TMPRSS12: variants seen among roughly 807,000 people sequenced by gnomAD.
The protein encoded by TMPRSS12 is transmembrane serine protease 12.
TMPRSS12 carries 25 observed loss-of-function variants against 26.0 expected under a neutral mutation model. That is an observed-to-expected ratio of 0.96 (90% confidence interval 0.70 to 1.34). TMPRSS12 has a LOEUF of 1.34. Ranked by LOEUF, TMPRSS12 falls within the 40% of genes most tolerant of loss-of-function variation. The pLI is 0.00. For synonymous variants in TMPRSS12, 150 were observed against 161.7 expected (o/e 0.93, Z 0.55); for missense variants, 441 against 440.1 (o/e 1.00, Z -0.02).
intron 3 of TMPRSS12, among the ~76,000 whole-genome samples, chr12:50,877,766 C>T (rs562633588): frequency 6.6e-6 from 1 of 152,112 alleles, no homozygotes; most frequent in African/African-American, 2.4e-5. Context: ...TGCGCCGCCA[C>T]GCGTGGCTAA....
At position 50,843,923 on chromosome 12, in the gene TMPRSS12, C is replaced by T. The variant is rs1220857484; in HGVS notation, c.269C>T (p.Pro90Leu). 3.1e-6 allele frequency: 5 copies of T among 1,587,804 alleles called. No homozygotes were observed. Among genetic ancestry groups the T allele is most frequent in the Non-Finnish European group, 2.6e-6 (3 of 1,166,824 alleles). The change falls in exon 2 of 5, where the codon CCG becomes CTG. Residue 90 changes from proline (P) to leucine (L), a missense_variant. Physicochemically the swap from Pro to Leu is moderately conservative, Grantham distance 98. Transcript: ENST00000398458. ...GGTEAQAGAW[P>L]WVVSLQIKYG... ...ACCGAAGCACAAGCTGGCGCATGGC[C>T]GTGGGTGGTGAGCCTGCAGATTAAA...
intron 3 of TMPRSS12, among the ~76,000 whole-genome samples, chr12:50,877,700 A>G (rs570031085): frequency 5.9e-5 from 9 of 152,198 alleles, no homozygotes; most frequent in Non-Finnish European, 1.3e-4. Context: ...TCCCAGGTTC[A>G]AGCGATTCTC....
At chr12:50,861,649 C>A (rs1362729875) in intron 3 of TMPRSS12, among the ~76,000 whole-genome samples, 1 of 152,010 alleles carries the variant, frequency 6.6e-6, no homozygotes, top group Non-Finnish European at 1.5e-5. Context: ...TTTAATACCC[C>A]CAGCAACACT....
intron 2 of TMPRSS12, among the ~76,000 whole-genome samples, chr12:50,857,799 T>TGTC (rs1937893684): frequency 1.3e-5 from 2 of 149,952 alleles, no homozygotes; most frequent in African/African-American, 5.0e-5. Flanking sequence ...TTGTTGTTGT[T>TGTC]GTTGTTGTCG....
At chr12:50,885,163 G>A in intron 3 of TMPRSS12, 83 bp from the exon 4 acceptor site, 1 of 1,304,668 alleles carries the variant, frequency 7.7e-7, no homozygotes, top group East Asian at 2.4e-5. Flanking sequence ...AGTCACTTTG[G>A]AAAGAAAACA....
At chr12:50,866,734 C>T (rs189758953) in intron 3 of TMPRSS12, among the ~76,000 whole-genome samples, 4 of 152,234 alleles carry the variant, frequency 2.6e-5, no homozygotes, top group Non-Finnish European at 1.5e-5. Flanking sequence ...CCATTTCAAC[C>T]CCCTGCCATC....
intron 3 of TMPRSS12, among the ~76,000 whole-genome samples, chr12:50,866,838 G>C: frequency 6.6e-6 from 1 of 152,142 alleles, no homozygotes; most frequent in East Asian, 1.9e-4. Context: ...TACCAGCCCA[G>C]AGCCTGGTAG....
intron 2 of TMPRSS12, among the ~76,000 whole-genome samples, chr12:50,856,110 A>G (rs73294430): frequency 0.029 from 4,489 of 152,288 alleles, 220 homozygotes; most frequent in African/African-American, 0.1. Flanking sequence ...TGCTCATTAC[A>G]TGGGTGGTGA....
rs1402580662 is a variant in TMPRSS12, at chr12:50,842,951, C to T, written c.-14C>T. The T allele has an allele frequency of 1.3e-6, 2 of 1,569,366 alleles. No individual in the cohort carries two copies. The highest frequency in any genetic ancestry group is 1.2e-5 in the South Asian group (1 of 85,682). The stretch of plus-strand genomic sequence containing the variant: ...GGGAAGTACCTGCCGCCATCTTGCT[C>T]ACCAGCCTCCAAAATGCGGCTGGGG... On this transcript the variant is annotated 5_prime_UTR_variant, in exon 1 of 5. Coordinates refer to ENST00000398458, the MANE Select transcript of TMPRSS12 (RefSeq NM_182559.3).
intron 2 of TMPRSS12, among the ~76,000 whole-genome samples, chr12:50,856,045 C>T (rs1937873406): frequency 6.6e-6 from 1 of 152,148 alleles, no homozygotes; most frequent in African/African-American, 2.4e-5. Flanking sequence ...ATAACAGACA[C>T]TGGGGCCTAC....
intron 3 of TMPRSS12, among the ~76,000 whole-genome samples, chr12:50,861,823 T>G (rs1937938767): frequency 6.6e-6 from 1 of 151,958 alleles, no homozygotes; most frequent in South Asian, 2.1e-4. Context: ...TCTTTTTTTT[T>G]TTTTTGAGAG....
intron 2 of TMPRSS12, among the ~76,000 whole-genome samples, chr12:50,858,133 C>A (rs1937899673): frequency 6.6e-6 from 1 of 152,190 alleles, no homozygotes; most frequent in South Asian, 2.1e-4. Flanking sequence ...TGAGCCACTG[C>A]ACCCAGCCCT....
chr12:50,869,714 C>T (rs889415569), intron 3 of TMPRSS12, among the ~76,000 whole-genome samples: 1 of 152,140 alleles, frequency 6.6e-6, no homozygotes, highest in South Asian at 2.1e-4. Context: ...AACTACAGAC[C>T]ACTATTCCTG....
chr12:50,849,845 A>G (rs1237528864), intron 2 of TMPRSS12, among the ~76,000 whole-genome samples: 2 of 152,308 alleles, frequency 1.3e-5, no homozygotes, highest in East Asian at 1.9e-4. Context: ...GTGATTACCA[A>G]TAGAAGGCAC....
intron 3 of TMPRSS12, among the ~76,000 whole-genome samples, chr12:50,875,471 C>T (rs566800865): frequency 4.8e-5 from 5 of 103,670 alleles, no homozygotes; most frequent in African/African-American, 1.5e-4. Flanking sequence ...GCCTGGGCGA[C>T]AGAGCAAGAC....
At chr12:50,884,279 T>C (rs1938202223) in intron 3 of TMPRSS12, among the ~76,000 whole-genome samples, 1 of 152,152 alleles carries the variant, frequency 6.6e-6, no homozygotes, top group African/African-American at 2.4e-5. Flanking sequence ...GTGTTAATAC[T>C]AGAAGAAGGT....
intron 3 of TMPRSS12, among the ~76,000 whole-genome samples, chr12:50,872,666 T>TACATATATATGACGTATATGC (rs1938063417): frequency 4.6e-5 from 3 of 64,682 alleles, no homozygotes; most frequent in African/African-American, 1.1e-4. Context: ...GACGTATATG[T>TACATATATATGACGTATATGC]ACATATATAT....
rs769828278 is a variant in TMPRSS12, at chr12:50,843,132, G to A, written c.168G>A (p.Glu56=). The stretch of plus-strand genomic sequence containing the variant: ...GCAAGAGGCTCCGGCGGCGGAGGGA[G>A]GGAGGGGCGCATGCAGAGGGCAGTA... The part of the protein sequence containing the change: ...AVRKRLRRRR[E]GGAHAEDCGT... Residue 56 remains glutamate, a synonymous_variant, in exon 1 of 5, where the codon GAG becomes GAA. Coordinates refer to ENST00000398458, the MANE Select transcript of TMPRSS12 (RefSeq NM_182559.3). The A allele has an allele frequency of 2.5e-6, 4 of 1,569,878 alleles. 1 individual carries two copies. The highest frequency in any genetic ancestry group is 1.2e-5 in the South Asian group (1 of 85,546).
intron 3 of TMPRSS12, among the ~76,000 whole-genome samples, chr12:50,881,998 AATATATATATATATATATATATATATAT>A (rs1565938081): frequency 5.6e-4 from 17 of 30,572 alleles, no homozygotes; most frequent in Non-Finnish European, 8.2e-4. Context: ...AAAAAAAAAA[AATATATATATATATATATATATATATAT>A]ATATATATAT....
Sources: gnomAD v4.1 joint callset for allele counts (sites outside exome capture counted in the v4.1 genomes callset) on GRCh38, gnomAD v4.1.1 for gene constraint, MANE v1.5 for transcripts, NCBI Gene and HGNC (gene_info 2026-07-23, HGNC 2026-07-21) for gene names.